The following ZBTB7C variants were observed in gnomAD, a reference collection of about 807,000 sequenced individuals.
ZBTB7C encodes zinc finger and BTB domain-containing protein 7C.
In ZBTB7C, 8 loss-of-function variants were observed where a neutral mutation model predicts 25.7. The observed-to-expected ratio is 0.31, with a 90% CI of 0.18 to 0.56. The LOEUF is 0.56. Ranked by LOEUF, ZBTB7C falls within the 20% of genes least tolerant of loss-of-function variation. The pLI, the probability that ZBTB7C is intolerant of heterozygous loss-of-function variation, is 0.91. For missense variants in ZBTB7C, 824 were observed against 855.2 expected, an observed-to-expected ratio of 0.96 and a Z score of 0.46; for synonymous variants, 394 against 369.0, an observed-to-expected ratio of 1.07 and a Z score of -0.78.
At chr18:48,134,387 T>C (rs2040082793) in intron 3 of ZBTB7C, among the ~76,000 whole-genome samples, 1 of 152,186 alleles carries the variant, frequency 6.6e-6, no homozygotes, top group African/African-American at 2.4e-5. Flanking sequence ...TTAGGACAGA[T>C]ATGTCTGGTC....
intron 3 of ZBTB7C, among the ~76,000 whole-genome samples, chr18:48,085,465 G>A (rs1203308690): frequency 6.6e-6 from 1 of 152,092 alleles, no homozygotes; most frequent in Admixed American, 6.5e-5. Context: ...ATGTGAAAAG[G>A]CAGCCCTAGA....
chr18:48,053,928 G>A (rs1232505586), intron 3 of ZBTB7C, among the ~76,000 whole-genome samples: 1 of 152,264 alleles, frequency 6.6e-6, no homozygotes. Context: ...GGGATGTGGG[G>A]CAGGGGAAGG....
At chr18:48,294,066 T>C (rs1233918180) in intron 2 of ZBTB7C, among the ~76,000 whole-genome samples, 1 of 152,160 alleles carries the variant, frequency 6.6e-6, no homozygotes. Context: ...ACGAATGCGG[T>C]GTTTACCTCC....
At chr18:48,268,958 C>CT (rs140699441) in intron 2 of ZBTB7C, among the ~76,000 whole-genome samples, 49,711 of 119,018 alleles carry the variant, frequency 0.42, 10,692 homozygotes, top group Admixed American at 0.47. Context: ...TGCTCTGTTT[C>CT]TTTTTTTTTT....
At position 48,367,200 on chromosome 18, in the gene ZBTB7C, TATACACAC is replaced by T. The variant is rs1280858815; in HGVS notation, c.-303-28810_-303-28803del. 4.8e-4 allele frequency among the ~76,000 whole-genome samples: 32 copies of T among 66,016 alleles called. No individual in the cohort carries two copies. In the South Asian group the frequency reaches 0.013, roughly 27 times the overall value. 43.3% of individuals were successfully genotyped at this position (66,016 alleles called of 152,430 possible). A position where few individuals can be genotyped will look rare whatever the true frequency, so the allele number is the denominator to read the frequency against. ...TTATATATATATATATATATATATATATACACACACACACACACACACACACACACACA... is the reference window on the plus strand; with the variant it reads ...TTATATATATATATATATATATATATACACACACACACACACACACACACA... On this transcript the variant is annotated intron_variant, in intron 1 of 4. Transcript: ENST00000590800.
At chr18:48,142,502 TG>T (rs1223982439) in intron 3 of ZBTB7C, among the ~76,000 whole-genome samples, 1 of 152,148 alleles carries the variant, frequency 6.6e-6, no homozygotes, top group East Asian at 1.9e-4. Context: ...CAGTAGGCTG[TG>T]CGGGGTCCCA....
chr18:48,315,689 A>C (rs1255451068), intron 2 of ZBTB7C, among the ~76,000 whole-genome samples: 1 of 152,166 alleles, frequency 6.6e-6, no homozygotes, highest in African/African-American at 2.4e-5. Context: ...GCGTGGATAG[A>C]TCAGCCTCTC....
At chr18:48,033,814 G>T (rs1383061733) in intron 4 of ZBTB7C, among the ~76,000 whole-genome samples, 2 of 152,202 alleles carry the variant, frequency 1.3e-5, no homozygotes. Context: ...CCTTTCCTGT[G>T]GATACTGTGA....
chr18:48,074,055 C>A (rs2144420217), intron 3 of ZBTB7C, among the ~76,000 whole-genome samples: 1 of 151,632 alleles, frequency 6.6e-6, no homozygotes, highest in East Asian at 1.9e-4. Flanking sequence ...GTTCTGTCAC[C>A]CAGGCTGGAG....
chr18:48,411,933 T>C (rs2048385795), upstream of ZBTB7C, among the ~76,000 whole-genome samples: 1 of 152,232 alleles, frequency 6.6e-6, no homozygotes, highest in Non-Finnish European at 1.5e-5. Context: ...CTAGTTTGGA[T>C]GTAAGTGCAA....
intron 3 of ZBTB7C, chr18:48,162,394 G>C (rs1431578535): frequency 2.2e-6 from 1 of 456,666 alleles, no homozygotes; most frequent in South Asian, 1.5e-5. Context: ...CTCAGTTGTT[G>C]CATCTGTAAA....
intron 2 of ZBTB7C, among the ~76,000 whole-genome samples, chr18:48,247,221 A>G (rs1316605045): frequency 6.6e-6 from 1 of 152,226 alleles, no homozygotes; most frequent in African/African-American, 2.4e-5. Context: ...TAATTCCTCT[A>G]CATTCAGAAT....
chr18:48,040,316 G>C lies in ZBTB7C; in HGVS notation c.792C>G (p.Phe264Leu), dbSNP rs201022618. Reference protein sequence around the residue: ...DFFPHLWPGDFGAFAQLPEQP... With the variant: ...DFFPHLWPGDLGAFAQLPEQP... ...GCTCAGGCAGCTGGGCAAAGGCACC[G>C]AAGTCCCCTGGCCAGAGGTGTGGAA... The change falls in exon 4 of 5, where the codon TTC becomes TTG. Residue 264 changes from phenylalanine to leucine, a missense_variant. Transcript: ENST00000590800. 1.3e-6 allele frequency: 2 copies of C among 1,586,958 alleles called. No homozygotes were observed. Among genetic ancestry groups the C allele is most frequent in the South Asian group, 1.2e-5 (1 of 85,444 alleles).
intron 2 of ZBTB7C, among the ~76,000 whole-genome samples, chr18:48,308,078 T>C (rs2045719225): frequency 6.6e-6 from 1 of 152,144 alleles, no homozygotes; most frequent in African/African-American, 2.4e-5. Flanking sequence ...TCATTTTGCA[T>C]AAAGGAAGAG....
At chr18:48,227,019 C>CAAAAAAAAAAAAAAAAAA (rs1187830776) in intron 2 of ZBTB7C, among the ~76,000 whole-genome samples, 1 of 56,122 alleles carries the variant, frequency 1.8e-5, no homozygotes, top group Non-Finnish European at 3.7e-5. Flanking sequence ...GACTCCATCT[C>CAAAAAAAAAAAAAAAAAA]AAAAAAAAAA....
At chr18:48,183,676 C>T (rs1380783239) in intron 3 of ZBTB7C, among the ~76,000 whole-genome samples, 1 of 152,192 alleles carries the variant, frequency 6.6e-6, no homozygotes, top group East Asian at 1.9e-4. Flanking sequence ...TCTGTACCTA[C>T]TCCCCAGCTG....
intron 3 of ZBTB7C, among the ~76,000 whole-genome samples, chr18:48,096,352 C>T (rs1252421063): frequency 6.6e-6 from 1 of 152,146 alleles, no homozygotes; most frequent in Non-Finnish European, 1.5e-5. Context: ...ATGCTCAGGG[C>T]ACCATTCTAT....
intron 3 of ZBTB7C, among the ~76,000 whole-genome samples, chr18:48,102,564 CAAAAAA>C (rs58790347): frequency 1.0e-5 from 1 of 95,622 alleles, no homozygotes; most frequent in Non-Finnish European, 2.0e-5. Context: ...GATCCTCCCT[CAAAAAA>C]AAAAAAAAAA....
intron 3 of ZBTB7C, 50 bp from the exon 4 acceptor site, chr18:48,041,173 G>A (rs2144160705): frequency 6.6e-7 from 1 of 1,525,778 alleles, no homozygotes; most frequent in Admixed American, 1.9e-5. Flanking sequence ...GTGGCCCCAG[G>A]AGGGGTCTCA....
Sources: gnomAD v4.1 joint callset for allele counts (sites outside exome capture counted in the v4.1 genomes callset) on GRCh38, gnomAD v4.1.1 for gene constraint, MANE v1.5 for transcripts, NCBI Gene and HGNC (gene_info 2026-07-23, HGNC 2026-07-21) for gene names.